Variants in AFAP1 observed in about 807,000 individuals in gnomAD.
AFAP1 encodes the protein actin filament associated protein 1, also known as actin filament-associated protein 1.
In AFAP1, 75 loss-of-function variants were observed where a neutral mutation model predicts 93.9. The observed-to-expected ratio is 0.80, with a 90% CI of 0.66 to 0.97. The LOEUF (loss-of-function observed/expected upper bound fraction) is 0.97, where lower values mean the gene tolerates loss of function less well. Ranked by LOEUF, AFAP1 falls within the 50% of genes least tolerant of loss-of-function variation. The pLI is 0.00. For synonymous variants in AFAP1, 517 were observed against 430.7 expected (o/e 1.20, Z -2.48); for missense variants, 1,201 against 1,050.8 (o/e 1.14, Z -1.98).
At chr4:7,875,102 T>C (rs1486982486) in intron 1 of AFAP1, among the ~76,000 whole-genome samples, 1 of 152,226 alleles carries the variant, frequency 6.6e-6, no homozygotes, top group South Asian at 2.1e-4. Flanking sequence ...ATATAGGTCA[T>C]GCAGCTCAAC....
At chr4:7,767,489 A>C (rs77703907) in intron 17 of AFAP1, among the ~76,000 whole-genome samples, 1,585 of 152,274 alleles carry the variant, frequency 0.01, 28 homozygotes, top group African/African-American at 0.037. Context: ...CCCAGGCAAA[A>C]CATATTCCTC....
intron 1 of AFAP1, among the ~76,000 whole-genome samples, chr4:7,891,858 G>A (rs28547902): frequency 4.0e-5 from 6 of 150,854 alleles, no homozygotes; most frequent in Admixed American, 2.0e-4. Flanking sequence ...CAAGACCAGC[G>A]TGGCCAACAT....
intron 1 of AFAP1, among the ~76,000 whole-genome samples, chr4:7,881,612 A>G (rs1717852709): frequency 6.6e-6 from 1 of 152,056 alleles, no homozygotes; most frequent in African/African-American, 2.4e-5. Context: ...GCGAAACTCC[A>G]TCTCTACTAA....
At chr4:7,868,507 G>C (rs902936800) in intron 3 of AFAP1, 115 bp downstream of exon 3, 1 of 855,174 alleles carries the variant, frequency 1.2e-6, no homozygotes, top group South Asian at 1.8e-5. Flanking sequence ...GGAGTGCCTC[G>C]AGACAAATAA....
At chr4:7,889,938 A>G (rs891513810) in intron 1 of AFAP1, among the ~76,000 whole-genome samples, 1 of 150,242 alleles carries the variant, frequency 6.7e-6, no homozygotes, top group Non-Finnish European at 1.5e-5. Flanking sequence ...TAAAATAATA[A>G]CTCTGCCCCA....
At chr4:7,814,497 C>T (rs1336535109) in intron 8 of AFAP1, among the ~76,000 whole-genome samples, 3 of 152,178 alleles carry the variant, frequency 2.0e-5, no homozygotes, top group Admixed American at 6.5e-5. Context: ...TTTCAACCGT[C>T]GCTCCAAAGT....
intron 3 of AFAP1, among the ~76,000 whole-genome samples, chr4:7,864,412 C>A (rs1716181780): frequency 6.6e-6 from 1 of 152,236 alleles, no homozygotes; most frequent in Non-Finnish European, 1.5e-5. Context: ...AAACGGCCAA[C>A]TAGCCCAAAG....
chr4:7,877,170 T>G (rs1717560538), intron 1 of AFAP1, among the ~76,000 whole-genome samples: 1 of 152,042 alleles, frequency 6.6e-6, no homozygotes, highest in African/African-American at 2.4e-5. Context: ...TGTCATCCTA[T>G]GTTTATCTCC....
At chr4:7,878,004 T>G (rs982931271) in intron 1 of AFAP1, among the ~76,000 whole-genome samples, 1 of 152,058 alleles carries the variant, frequency 6.6e-6, no homozygotes, top group Non-Finnish European at 1.5e-5. Flanking sequence ...AACACACACA[T>G]GGAAGCAGTG....
At chr4:7,834,763 G>T (rs933130844) in intron 6 of AFAP1, among the ~76,000 whole-genome samples, 1 of 152,236 alleles carries the variant, frequency 6.6e-6, no homozygotes, top group Non-Finnish European at 1.5e-5. Context: ...CCAAAGAGGG[G>T]GTCCCTGGCA....
intron 3 of AFAP1, among the ~76,000 whole-genome samples, chr4:7,860,911 G>A (rs563251518): frequency 3.8e-4 from 58 of 152,222 alleles, no homozygotes; most frequent in African/African-American, 1.3e-3. Context: ...TTCCACTGCC[G>A]CTTGCCTCGC....
At chr4:7,848,028 G>A (rs1476874807) in intron 4 of AFAP1, among the ~76,000 whole-genome samples, 1 of 151,580 alleles carries the variant, frequency 6.6e-6, no homozygotes, top group Non-Finnish European at 1.5e-5. Flanking sequence ...CAGGCAGACA[G>A]ATGGATCGAT....
intron 10 of AFAP1, among the ~76,000 whole-genome samples, chr4:7,794,783 C>T (rs1431974534): frequency 1.3e-5 from 2 of 152,152 alleles, no homozygotes; most frequent in African/African-American, 4.8e-5. Context: ...ACCTCACCCT[C>T]CCAAAGTGCT....
chr4:7,799,464 C>A (rs562185078), intron 10 of AFAP1, among the ~76,000 whole-genome samples: 1 of 152,190 alleles, frequency 6.6e-6, no homozygotes, highest in Non-Finnish European at 1.5e-5. Flanking sequence ...TCTCCTCTGC[C>A]GATGAGTGTC....
At position 7,800,509 on chromosome 4, in the gene AFAP1, C is replaced by T. The variant is rs369047447; in HGVS notation, c.1199G>A (p.Gly400Asp). 6.8e-6 allele frequency: 11 copies of T among 1,614,128 alleles called. No homozygotes were observed. The highest frequency in any genetic ancestry group is 1.3e-5 in the African/African-American group (1 of 74,942). The stretch of plus-strand genomic sequence containing the variant: ...CGTCAGAGGATGTTTAGAATCCAAA[C>T]CCGGGATCACCTCGCAGCCACGGAG... ...IPLRGCEVIP[G>D]LDSKHPLTFR... The change falls in exon 10 of 18, where the codon GGT (glycine) becomes GAT (aspartate). Residue 400 changes from glycine to aspartate, a missense_variant. Gly to Asp is a moderately conservative substitution (Grantham distance 94). Transcript: ENST00000420658.
At chr4:7,917,013 C>G (rs1720118788) in intron 1 of AFAP1, among the ~76,000 whole-genome samples, 1 of 152,322 alleles carries the variant, frequency 6.6e-6, no homozygotes, top group Middle Eastern at 3.4e-3. Flanking sequence ...CTCTCTCTCT[C>G]TCTCAGGAAT....
intron 6 of AFAP1, among the ~76,000 whole-genome samples, chr4:7,828,014 G>A (rs1361518608): frequency 6.6e-6 from 1 of 152,226 alleles, no homozygotes; most frequent in African/African-American, 2.4e-5. Context: ...AGGAGGAAAT[G>A]AAGGGCATGT....
Position 7,763,757 on chromosome 4 carries a change from G to A in AFAP1, c.*8C>T. On this transcript the variant is annotated 3_prime_UTR_variant, in exon 18 of 18. Transcript: ENST00000420658. ...CAGTCTCTGAGGCTGGAGTGGTGCT[G>A]CTGTCCCCTAGGTCCCGTTCTTCAA... 1 of 1,551,658 alleles carries A rather than the reference G, an allele frequency of 6.4e-7. No individual in the cohort carries two copies. The highest frequency in any genetic ancestry group is 1.2e-5 in the South Asian group (1 of 84,042).
chr4:7,832,405 T>C (rs1310797295), intron 6 of AFAP1, among the ~76,000 whole-genome samples: 1 of 150,652 alleles, frequency 6.6e-6, no homozygotes, highest in African/African-American at 2.4e-5. Context: ...TGTCATGGGG[T>C]CAGAACCACA....
Sources: allele counts gnomAD v4.1 joint callset (sites outside exome capture counted in the v4.1 genomes callset), GRCh38; gene constraint gnomAD v4.1.1; transcripts MANE v1.5; gene names NCBI Gene and HGNC (gene_info 2026-07-23, HGNC 2026-07-21).